Variants in UBR2 observed in about 807,000 individuals in gnomAD.
UBR2 encodes E3 ubiquitin-protein ligase UBR2.
Under a neutral mutation model 247.9 loss-of-function variants are expected in UBR2, and 92 were observed. The observed-to-expected ratio is 0.37, with a 90% confidence interval of 0.31 to 0.44. UBR2 has a LOEUF of 0.44. UBR2 is among the 20% of genes least tolerant of loss of function. The pLI, the probability that UBR2 is intolerant of heterozygous loss-of-function variation, is 1.00. For missense variants in UBR2, 1,613 were observed against 2,112.6 expected (o/e 0.76, Z 4.64); for synonymous variants, 672 against 693.5 (o/e 0.97, Z 0.49).
rs544919650 is a variant in UBR2 at position 42,659,540 on chromosome 6, C to CT, written c.3243-116_3243-115insT. The CT allele has an allele frequency of 1.5e-6, 1 of 685,534 alleles. No individual in the cohort carries two copies. The highest frequency in any genetic ancestry group is 2.4e-6 in the Non-Finnish European group (1 of 414,404). 42.5% of individuals were successfully genotyped at this position (685,534 alleles called of 1,614,324 possible). On this transcript the variant is annotated intron_variant, in intron 29 of 46. Coordinates refer to ENST00000372901, the MANE Select transcript of UBR2 (RefSeq NM_001363705.2). This position sits in a 1 kb window ranked among gnomAD's most constrained non-coding sequence, Gnocchi z 4.3. ...ATATATACACACACACACACACACA[C>CT]ACACACACACACACACACACACTAC...
At position 42,573,895 on chromosome 6, in the gene UBR2, A is replaced by C. The variant is rs757920556; in HGVS notation, c.240A>C (p.Glu80Asp). The C allele has an allele frequency of 6.2e-7, 1 of 1,614,114 alleles. No individual in the cohort carries two copies. Among genetic ancestry groups the C allele is most frequent in the Non-Finnish European group, 8.5e-7 (1 of 1,180,018 alleles). The stretch of plus-strand genomic sequence containing the variant: ...CAATGGAATGGTACCTTTGTGGTGA[A>C]GATCCTGCATTTGGATTTCCAAAAC... ...LGPMEWYLCG[E>D]DPAFGFPKLE... The change falls in exon 2 of 47, where the codon GAA (glutamate) becomes GAC (aspartate). Residue 80 changes from glutamate to aspartate, a missense_variant. Transcript: ENST00000372901.
At chr6:42,662,449 G>A (rs961575757) in intron 31 of UBR2, among the ~76,000 whole-genome samples, 172 bp downstream of exon 31, 1 of 152,182 alleles carries the variant, frequency 6.6e-6, no homozygotes, top group Admixed American at 6.5e-5. Flanking sequence ...GATGTAAAGT[G>A]TATGTCAGAT....
Position 42,658,839 on chromosome 6 carries a change from A to AAG in UBR2, c.3242+16_3242+17insGA. On this transcript the variant is annotated intron_variant, in intron 29 of 46. Coordinates refer to ENST00000372901, the MANE Select transcript of UBR2 (RefSeq NM_001363705.2). ...CTTGATCATAGGTAAAAAAAAAAAA[A>AAG]AAAAAAATTAATGTCTTGACGAGTT... The AAG allele has an allele frequency of 6.5e-7, 1 of 1,537,282 alleles. No homozygotes were observed. The highest frequency in any genetic ancestry group is 8.7e-7 in the Non-Finnish European group (1 of 1,148,228).
chr6:42,603,970 C>G (rs1285859214), intron 5 of UBR2, among the ~76,000 whole-genome samples: 2 of 152,082 alleles, frequency 1.3e-5, no homozygotes, highest in Non-Finnish European at 2.9e-5. Context: ...TCAGGCATAA[C>G]CAGTTTTCTC....
rs139326360 is a variant in UBR2, at chr6:42,662,218, G to T, written c.3477G>T (p.Leu1159=). 7.4e-5 allele frequency: 119 copies of T among 1,611,780 alleles called. No homozygotes were observed. The African/African-American group carries it at 1.5e-3, about 21-fold the overall frequency. Residue 1159 remains leucine (L), a synonymous_variant, in exon 31 of 47, where the codon CTG becomes CTT. Transcript: ENST00000372901. ...ATCCATTATTCATGCACCCTGATCTGTCTTGTGGAACACACACTAGTAGCT... is the reference window on the plus strand; with the variant it reads ...ATCCATTATTCATGCACCCTGATCTTTCTTGTGGAACACACACTAGTAGCT... ...KYDPLFMHPD[L]SCGTHTSSCG... is the part of the protein sequence containing the mutation.
rs755677603 is a variant in UBR2 at position 42,652,476 on chromosome 6, C to A, written c.2615-15C>A. On this transcript the variant is annotated splice_polypyrimidine_tract_variant and intron_variant, in intron 24 of 46. Coordinates refer to ENST00000372901, the MANE Select transcript of UBR2 (RefSeq NM_001363705.2). ...GTTCTGTAAAAGAAACCAATAATAA[C>A]AACTGTATTTTCAGCACTCCCACCT... 3 of 1,587,656 alleles carry A rather than the reference C, an allele frequency of 1.9e-6. No individual in the cohort carries two copies. In the South Asian group the frequency reaches 3.5e-5, roughly 18 times the overall value.
intron 45 of UBR2, among the ~76,000 whole-genome samples, chr6:42,688,901 G>A (rs915813481): frequency 1.5e-4 from 23 of 152,276 alleles, no homozygotes; most frequent in Middle Eastern, 3.4e-3. Flanking sequence ...AATTTAGATA[G>A]TGATATAGGC....
At chr6:42,636,279 G>A (rs372479507) in intron 14 of UBR2, among the ~76,000 whole-genome samples, 1 of 150,730 alleles carries the variant, frequency 6.6e-6, no homozygotes, top group African/African-American at 2.4e-5. Flanking sequence ...CCTGGGCTTA[G>A]GTGATCCTCC....
At chr6:42,674,966 G>A (rs1001439933) in intron 38 of UBR2, among the ~76,000 whole-genome samples, 2 of 152,086 alleles carry the variant, frequency 1.3e-5, no homozygotes, top group African/African-American at 4.8e-5. Flanking sequence ...CCAAATTTCA[G>A]CCCTACCTCA....
At position 42,667,587 on chromosome 6, in the gene UBR2, CTTTTTT is replaced by C. The variant is rs1161068427; in HGVS notation, c.3881+1361_3881+1366del. 6.5e-4 allele frequency among the ~76,000 whole-genome samples: 31 copies of C among 47,422 alleles called. 1 individual carries two copies. In the South Asian group the frequency reaches 0.019, roughly 29 times the overall value. The allele number at this position is 47,422 out of a possible 152,430, so 31.1% of individuals were successfully genotyped here. Reference sequence around the variant, plus strand: ...TATTTCCTTTCTTGTACAGTTTTGTCTTTTTTTTTTTTTTTTTTTTTTTTGAGATGG... The same window carrying C: ...TATTTCCTTTCTTGTACAGTTTTGTCTTTTTTTTTTTTTTTTTTGAGATGG... On this transcript the variant is annotated intron_variant, in intron 34 of 46. Transcript: ENST00000372901.
rs749476529 is a variant in UBR2 at position 42,659,901 on chromosome 6, C to A, written c.3442+46C>A. ...CATCTTCCCTTTTAATAACAACTGC[C>A]AGTTAATGTGGTTGGTGATACGTTG... On this transcript the variant is annotated intron_variant, in intron 30 of 46. Coordinates refer to ENST00000372901, the MANE Select transcript of UBR2 (RefSeq NM_001363705.2). This position sits in a 1 kb window ranked among gnomAD's most constrained non-coding sequence, Gnocchi z 4.3. The A allele has an allele frequency of 8.3e-6, 13 of 1,568,184 alleles. No individual in the cohort carries two copies. Among genetic ancestry groups the A allele is most frequent in the Non-Finnish European group, 1.1e-5 (13 of 1,141,404 alleles).
intron 37 of UBR2, 79 bp downstream of exon 37, chr6:42,673,966 G>A (rs761537): frequency 0.68 from 888,138 of 1,306,306 alleles, 304,806 homozygotes; most frequent in East Asian, 0.91. Flanking sequence ...GCTTCTCTCA[G>A]TAATGAATTA....
chr6:42,663,546 T>A, intron 32 of UBR2, 127 bp downstream of exon 32: 1 of 986,884 alleles, frequency 1.0e-6, no homozygotes, highest in Non-Finnish European at 1.4e-6. Flanking sequence ...TTCCAAACTC[T>A]AATCATTTTC....
At chr6:42,613,862 T>C (rs145229790) in intron 8 of UBR2, among the ~76,000 whole-genome samples, 1 of 151,754 alleles carries the variant, frequency 6.6e-6, no homozygotes, top group African/African-American at 2.4e-5. Context: ...TTGAAAAAGA[T>C]GAAAACAGTG....
chr6:42,615,746 A>T (rs548509474), intron 9 of UBR2, among the ~76,000 whole-genome samples: 2 of 149,122 alleles, frequency 1.3e-5, no homozygotes, highest in South Asian at 4.2e-4. Context: ...CAACAAAGCA[A>T]GACCCTAAAA....
At chr6:42,625,885 C>T (rs952707725) in intron 11 of UBR2, among the ~76,000 whole-genome samples, 1 of 150,552 alleles carries the variant, frequency 6.6e-6, no homozygotes, top group Admixed American at 6.6e-5. Context: ...GCGATCTCGG[C>T]TCACTGCATG....
chr6:42,680,473 T>C (rs926416235), intron 42 of UBR2, among the ~76,000 whole-genome samples: 4 of 152,150 alleles, frequency 2.6e-5, no homozygotes, highest in African/African-American at 9.7e-5. Context: ...GAGATGGGGT[T>C]TTGCCATTTT....
intron 18 of UBR2, among the ~76,000 whole-genome samples, chr6:42,643,528 G>A (rs1003205480): frequency 1.3e-5 from 2 of 152,122 alleles, no homozygotes; most frequent in Admixed American, 6.6e-5. Context: ...CTTGGGAGGC[G>A]GAGGTTGCAA....
intron 2 of UBR2, among the ~76,000 whole-genome samples, chr6:42,590,279 TGCACTG>T (rs769117797): frequency 3.3e-5 from 5 of 152,208 alleles, no homozygotes; most frequent in African/African-American, 4.8e-5. Flanking sequence ...GTGCTCCAGA[TGCACTG>T]GCTTTGGCCC....
Sources: allele counts gnomAD v4.1 joint callset (sites outside exome capture counted in the v4.1 genomes callset), GRCh38; gene constraint gnomAD v4.1.1; non-coding constraint Gnocchi (gnomAD v3.1); transcripts MANE v1.5; gene names NCBI Gene and HGNC (gene_info 2026-07-23, HGNC 2026-07-21).